PML: variants seen among roughly 807,000 people sequenced by gnomAD.
The protein encoded by PML is PML nuclear body scaffold.
Under a neutral mutation model 65.2 loss-of-function variants are expected in PML, and 28 were observed. The observed-to-expected ratio is 0.43, with a 90% CI of 0.32 to 0.59. The LOEUF is 0.59. Ranked by LOEUF, PML falls within the 20% of genes least tolerant of loss-of-function variation. PML has a pLI of 0.08. For synonymous variants in PML, 500 were observed against 508.8 expected, an observed-to-expected ratio of 0.98 and a Z score of 0.23; for missense variants, 1,021 against 1,203.4, an observed-to-expected ratio of 0.85 and a Z score of 2.24.
chr15:74,029,405 C>T (rs1312866801), intron 4 of PML, among the ~76,000 whole-genome samples: 1 of 152,126 alleles, frequency 6.6e-6, no homozygotes, highest in Non-Finnish European at 1.5e-5. Context: ...AAGTGGATCA[C>T]CTGAGGTCAG....
intron 2 of PML, among the ~76,000 whole-genome samples, 176 bp downstream of exon 2, chr15:73,998,652 G>T (rs3784563): frequency 0.21 from 32,094 of 152,236 alleles, 4,244 homozygotes; most frequent in Admixed American, 0.32. Context: ...TATGCTGCCA[G>T]TCCCCACGCA....
chr15:74,007,806 A>G (rs909970054), intron 2 of PML, among the ~76,000 whole-genome samples: 12 of 152,178 alleles, frequency 7.9e-5, no homozygotes, highest in Non-Finnish European at 1.5e-4. Context: ...GGGTAGAAAT[A>G]TGAATGGACA....
chr15:74,046,394 A>C lies in PML; in HGVS notation c.*1386A>C, dbSNP rs1308230394. 8.6e-6 allele frequency: 2 copies of C among 232,936 alleles called. No individual in the cohort carries two copies. The highest frequency in any genetic ancestry group is 4.4e-5 in the African/African-American group (2 of 45,314). The allele number at this position is 232,936 out of a possible 1,614,324, so 14.4% of individuals were successfully genotyped here. ...CCTGCTCCTGGGATGCTTCCCAAGC[A>C]GCCCAGGCCTCTAGCCTCCATGGCT... is the stretch of plus-strand genomic sequence containing the variant. On this transcript the variant is annotated 3_prime_UTR_variant, in exon 9 of 9. Transcript: ENST00000268058.
intron 1 of PML, 113 bp from the exon 2 acceptor site, chr15:73,997,891 G>C (rs748927596): frequency 1.1e-6 from 1 of 902,410 alleles, no homozygotes; most frequent in Non-Finnish European, 1.8e-6. Context: ...TCCAATGACT[G>C]GCTGGAATGG....
intron 6 of PML, 116 bp from the exon 7 acceptor site, chr15:74,034,362 G>A: frequency 7.4e-7 from 1 of 1,342,490 alleles, no homozygotes; most frequent in Non-Finnish European, 1.1e-6. Context: ...TCCCCCTGCA[G>A]GGCATCCGTT....
chr15:74,009,462 T>C (rs2070220392), intron 2 of PML, among the ~76,000 whole-genome samples: 1 of 152,166 alleles, frequency 6.6e-6, no homozygotes, highest in African/African-American at 2.4e-5. Flanking sequence ...TTGGGCAACA[T>C]GATGAAAGAT....
In PML at chr15:74,044,453, G is replaced by A; in HGVS notation, c.2094G>A (p.Trp698Ter). The A allele has an allele frequency of 6.2e-7, 1 of 1,614,182 alleles. No homozygotes were observed. Among genetic ancestry groups the A allele is most frequent in the Non-Finnish European group, 8.5e-7 (1 of 1,180,024 alleles). The stretch of plus-strand genomic sequence containing the variant: ...CCCTGGAGGACATTAACAGGCTGTG[G>A]GAATTCCAGGAGGCCATCTCGGGCT... ...FRALEDINRLWEFQEAISGFL... is the reference protein window; with the variant it reads ...FRALEDINRL Residue 698 changes from tryptophan to a stop codon, truncating the protein, a stop_gained, in exon 9 of 9, where the codon TGG (tryptophan) becomes TGA (stop). Coordinates refer to ENST00000268058, the MANE Select transcript of PML (RefSeq NM_033238.3). LOFTEE classifies it low-confidence loss of function (END_TRUNC).
At chr15:73,999,043 T>A (rs890879275) in intron 2 of PML, among the ~76,000 whole-genome samples, 1 of 152,208 alleles carries the variant, frequency 6.6e-6, no homozygotes. Context: ...AGGTAATACA[T>A]TCGTACAGTT....
intron 2 of PML, among the ~76,000 whole-genome samples, chr15:74,002,441 TTTC>T (rs1313412700): frequency 4.0e-5 from 5 of 124,770 alleles, no homozygotes; most frequent in African/African-American, 8.6e-5. Flanking sequence ...CTTTCTTTCT[TTTC>T]TTTTTTTTTT....
intron 2 of PML, among the ~76,000 whole-genome samples, chr15:74,007,357 A>G (rs558704823): frequency 3.3e-5 from 5 of 152,316 alleles, no homozygotes; most frequent in African/African-American, 4.8e-5. Flanking sequence ...GTCAGGTACA[A>G]TGGGCAGGGA....
At chr15:74,044,110 C>T in intron 8 of PML, 111 bp from the exon 9 acceptor site, 2 of 1,037,298 alleles carry the variant, frequency 1.9e-6, no homozygotes, top group East Asian at 2.4e-5. Context: ...GCCAGCAGAC[C>T]CCAAGGTGAG....
chr15:74,010,609 A>G (rs2070291109), intron 2 of PML, among the ~76,000 whole-genome samples: 1 of 152,148 alleles, frequency 6.6e-6, no homozygotes, highest in Non-Finnish European at 1.5e-5. Context: ...ACCGCCAGCC[A>G]GCCAGACAGC....
In PML at chr15:73,998,170, CAG is replaced by C; in HGVS notation, c.298_299del (p.Asp100HisfsTer6). 6.2e-7 allele frequency: 1 copy of C among 1,614,220 alleles called. No individual in the cohort carries two copies. The highest frequency in any genetic ancestry group is 8.5e-7 in the Non-Finnish European group (1 of 1,180,036). ...TGCCAGGCGCCCTGGCCCCTAGGTGCAGACACACCCGCCCTGGATAACGTCTT... is the reference window on the plus strand; with the variant it reads ...TGCCAGGCGCCCTGGCCCCTAGGTGCACACACCCGCCCTGGATAACGTCTT... On this transcript the variant is annotated frameshift_variant, in exon 2 of 9. Coordinates refer to ENST00000268058, the MANE Select transcript of PML (RefSeq NM_033238.3). LOFTEE classifies it high-confidence loss of function.
chr15:74,036,404 A>T, intron 7 of PML: 2 of 1,332,244 alleles, frequency 1.5e-6, no homozygotes, highest in South Asian at 1.6e-5. Flanking sequence ...ACCCTTGCGA[A>T]CCCTTATTCC....
chr15:74,036,904 G>A (rs1295573854), intron 7 of PML: 9 of 982,042 alleles, frequency 9.2e-6, no homozygotes, highest in South Asian at 4.7e-5. Flanking sequence ...GACTCTGACC[G>A]CAGCCTCCTG....
intron 3 of PML, among the ~76,000 whole-genome samples, 191 bp from the exon 4 acceptor site, chr15:74,024,666 C>T (rs567875879): frequency 1.1e-4 from 16 of 152,204 alleles, no homozygotes; most frequent in Admixed American, 5.2e-4. Context: ...TGGCTGGGTT[C>T]CTGCCCACTG....
At position 73,994,889 on chromosome 15, in the gene PML, C is replaced by A. The variant is rs781165510; in HGVS notation, c.77C>A (p.Pro26His). ...CCCCAGGAGCCCACCATGCCTCCCC[C>A]CGAGACCCCCTCTGAAGGCCGCCAG... ...ARPQEPTMPP[P>H]ETPSEGRQPS... Residue 26 changes from proline to histidine, a missense_variant, in exon 1 of 9, where the codon CCC becomes CAC. Physicochemically the swap from Pro to His is moderately conservative, Grantham distance 77 (BLOSUM62 -2). Transcript: ENST00000268058. 5.2e-6 allele frequency: 8 copies of A among 1,552,562 alleles called. No individual in the cohort carries two copies. The highest frequency in any genetic ancestry group is 1.2e-5 in the South Asian group (1 of 84,270).
intron 1 of PML, among the ~76,000 whole-genome samples, chr15:73,997,227 C>T (rs771333884): frequency 6.6e-6 from 1 of 152,230 alleles, no homozygotes; most frequent in Non-Finnish European, 1.5e-5. Flanking sequence ...CCTTTTGTTA[C>T]TGAGGCATGG....
At chr15:74,020,221 C>G (rs1391657691) in intron 2 of PML, among the ~76,000 whole-genome samples, 2 of 150,650 alleles carry the variant, frequency 1.3e-5, no homozygotes, top group African/African-American at 4.9e-5. Context: ...GGTTCCAGAA[C>G]AAGTTGATCT....
Sources: allele counts gnomAD v4.1 joint callset (sites outside exome capture counted in the v4.1 genomes callset), GRCh38; gene constraint gnomAD v4.1.1; transcripts MANE v1.5; gene names NCBI Gene and HGNC (gene_info 2026-07-23, HGNC 2026-07-21).